Variants in MME observed in about 807,000 individuals in gnomAD.
MME encodes the protein neprilysin.
MME carries 98 observed loss-of-function variants against 113.2 expected under a neutral mutation model. The ratio of observed to expected loss-of-function variants is 0.87; its 90% CI spans 0.74 to 1.02. The LOEUF is 1.02. MME is among the 50% of genes least tolerant of loss of function. The pLI, the probability that MME is intolerant of heterozygous loss-of-function variation, is 0.00. For missense variants in MME, 836 were observed against 896.0 expected (o/e 0.93, Z 0.86); for synonymous variants, 292 against 300.6 (o/e 0.97, Z 0.30).
chr3:155,128,374 A>T (rs761602545), intron 8 of MME, among the ~76,000 whole-genome samples: 1 of 151,832 alleles, frequency 6.6e-6, no homozygotes, highest in African/African-American at 2.4e-5. Context: ...TTTTTCCACT[A>T]CTCTGCTATC....
chr3:155,147,013 T>G (rs1381729289), intron 14 of MME, 131 bp from the exon 15 acceptor site: 3 of 671,186 alleles, frequency 4.5e-6, no homozygotes, highest in African/African-American at 3.6e-5. Context: ...AGATCTCTGT[T>G]TAAGTATGTC....
At chr3:155,169,117 T>G (rs1257108480) in intron 20 of MME, among the ~76,000 whole-genome samples, 2 of 152,146 alleles carry the variant, frequency 1.3e-5, no homozygotes, top group Admixed American at 6.6e-5. Context: ...CTGGAATAAT[T>G]TTTTTAGAAG....
intron 8 of MME, among the ~76,000 whole-genome samples, chr3:155,130,980 A>G (rs1006919326): frequency 2.0e-5 from 3 of 152,170 alleles, no homozygotes; most frequent in Non-Finnish European, 4.4e-5. Flanking sequence ...ATGGGAAGAG[A>G]TAGACAATAA....
chr3:155,110,423 A>G (rs950152739), intron 3 of MME, among the ~76,000 whole-genome samples: 1 of 152,216 alleles, frequency 6.6e-6, no homozygotes, highest in Admixed American at 6.5e-5. Context: ...CGTATACTAC[A>G]TCTCCCAATC....
chr3:155,161,025 G>T (rs3773882), intron 17 of MME, among the ~76,000 whole-genome samples: 23 of 151,848 alleles, frequency 1.5e-4, no homozygotes, highest in African/African-American at 3.9e-4. Flanking sequence ...AAAAAATTTC[G>T]TAAGTTCGCT....
rs775276723 is a variant in MME at position 155,138,128 on chromosome 3, G to A, written c.747G>A (p.Met249Ile). Residue 249 changes from methionine (M) to isoleucine (I), a missense_variant, in exon 9 of 23, where the codon ATG (methionine) becomes ATA (isoleucine). By Grantham distance (10) the Met-to-Ile change is conservative. Coordinates refer to ENST00000360490, the MANE Select transcript of MME (RefSeq NM_007289.4). ...CTTGTACAGCATATGTGGATTTTAT[G>A]ATTTCTGTGGCCAGATTGATTCGTC... The part of the protein sequence containing the change: ...KEACTAYVDF[M>I]ISVARLIRQE... 1.2e-6 allele frequency: 2 copies of A among 1,613,610 alleles called. No homozygotes were observed. The highest frequency in any genetic ancestry group is 2.2e-5 in the South Asian group (2 of 91,070).
chr3:155,057,196 A>G (rs1283894522), intron 1 of MME, among the ~76,000 whole-genome samples: 1 of 152,130 alleles, frequency 6.6e-6, no homozygotes, highest in Non-Finnish European at 1.5e-5. Flanking sequence ...CAACCTACTC[A>G]TCTGACAAAG....
intron 16 of MME, among the ~76,000 whole-genome samples, chr3:155,158,131 C>T (rs9881879): frequency 0.27 from 40,426 of 151,936 alleles, 5,649 homozygotes; most frequent in Middle Eastern, 0.31. Flanking sequence ...CTGTTCCTCT[C>T]CTCTGTAATC....
At chr3:155,110,864 A>G (rs1213621715) in intron 3 of MME, among the ~76,000 whole-genome samples, 2 of 152,200 alleles carry the variant, frequency 1.3e-5, no homozygotes, top group African/African-American at 4.8e-5. Context: ...AGATTTTAAA[A>G]AATCATAGTA....
chr3:155,058,318 G>C (rs1714009411), intron 1 of MME, among the ~76,000 whole-genome samples: 1 of 152,098 alleles, frequency 6.6e-6, no homozygotes, highest in Non-Finnish European at 1.5e-5. Context: ...TCTCCTTGAA[G>C]GCAATGACAG....
chr3:155,080,023 T>C (rs1714973971), upstream of MME: 1 of 152,280 alleles, frequency 6.6e-6, no homozygotes, highest in South Asian at 2.1e-4. Flanking sequence ...GAGAGCGAGC[T>C]GAGGGAGAAA....
chr3:155,173,219 C>A (rs1671467834), intron 22 of MME, among the ~76,000 whole-genome samples: 1 of 151,930 alleles, frequency 6.6e-6, no homozygotes, highest in Admixed American at 6.6e-5. Context: ...AATGTTAAAT[C>A]ATAGATCCTA....
At chr3:155,147,363 G>A in intron 15 of MME, 139 bp downstream of exon 15, 1 of 666,888 alleles carries the variant, frequency 1.5e-6, no homozygotes. Context: ...CAACGCTGGT[G>A]CCAGAATGAT....
intron 1 of MME, among the ~76,000 whole-genome samples, chr3:155,060,654 T>G (rs549584879): frequency 2.5e-4 from 38 of 152,232 alleles, no homozygotes; most frequent in African/African-American, 8.9e-4. Context: ...ATACCATTTC[T>G]CACCTCAAAG....
At chr3:155,128,980 C>T (rs1305182887) in intron 8 of MME, among the ~76,000 whole-genome samples, 1 of 152,156 alleles carries the variant, frequency 6.6e-6, no homozygotes, top group Non-Finnish European at 1.5e-5. Flanking sequence ...TTTCTCTTTT[C>T]AATCCCCAGT....
intron 1 of MME, among the ~76,000 whole-genome samples, chr3:155,035,077 G>C (rs1318460723): frequency 1.3e-5 from 2 of 151,966 alleles, no homozygotes; most frequent in Non-Finnish European, 2.9e-5. Context: ...GAGATGGAAT[G>C]TTTATTTTAG....
At chr3:155,082,235 T>A (rs1364448574) in intron 1 of MME, among the ~76,000 whole-genome samples, 3 of 152,132 alleles carry the variant, frequency 2.0e-5, no homozygotes, top group Admixed American at 6.6e-5. Context: ...ACACTGACTG[T>A]CATTTCTAAG....
rs1718495651 is a variant in MME, at chr3:155,115,156, G to A, written c.358+1G>A. The stretch of plus-strand genomic sequence containing the variant: ...GATGAACTAGAAGTCGTTTTGAAAG[G>A]TTAGTAGAGATTGTGTCTGTGCATC... On this transcript the variant is annotated splice_donor_variant, in intron 4 of 22. Transcript: ENST00000360490. LOFTEE classifies it high-confidence loss of function. 6.2e-7 allele frequency: 1 copy of A among 1,613,792 alleles called. No individual in the cohort carries two copies. Among genetic ancestry groups the A allele is most frequent in the Non-Finnish European group, 8.5e-7 (1 of 1,179,916 alleles).
chr3:155,064,734 C>T (rs1424363751), intron 1 of MME, among the ~76,000 whole-genome samples: 1 of 152,140 alleles, frequency 6.6e-6, no homozygotes, highest in Non-Finnish European at 1.5e-5. Flanking sequence ...CAACAAAGTG[C>T]AACTGGTGCT....
Sources: allele counts gnomAD v4.1 joint callset (sites outside exome capture counted in the v4.1 genomes callset), GRCh38; gene constraint gnomAD v4.1.1; transcripts MANE v1.5; gene names NCBI Gene and HGNC (gene_info 2026-07-23, HGNC 2026-07-21).